The following AKAP13 variants were observed in gnomAD, a reference collection of about 807,000 sequenced individuals.
AKAP13 encodes A-kinase anchor protein 13.
Under a neutral mutation model 264.5 loss-of-function variants are expected in AKAP13, and 80 were observed. That is an observed-to-expected ratio of 0.30 (90% CI 0.25 to 0.36). The LOEUF (loss-of-function observed/expected upper bound fraction) is 0.36, where lower values mean the gene tolerates loss of function less well. Among genes scored for constraint, AKAP13 ranks in the 10% least tolerant of loss-of-function variants. The pLI is 1.00. For missense variants in AKAP13, 3,712 were observed against 3,435.2 expected, an observed-to-expected ratio of 1.08 and a Z score of -2.01; for synonymous variants, 1,380 against 1,250.2, an observed-to-expected ratio of 1.10 and a Z score of -2.19.
chr15:85,723,348 A>G (rs773336123), intron 26 of AKAP13, 28 bp downstream of exon 26: 1 of 1,606,872 alleles, frequency 6.2e-7, no homozygotes, highest in Admixed American at 1.7e-5. Context: ...TGTCTTAAGT[A>G]TGTGCCCAGG....
Position 85,425,246 on chromosome 15 carries a change from C to A in AKAP13, c.-12+44448C>A, listed in dbSNP as rs1338648426. Among the ~76,000 whole-genome samples the A allele has an allele frequency of 2.0e-5, 3 of 152,012 alleles. No individual in the cohort carries two copies. In the East Asian group the frequency reaches 5.8e-4, roughly 29 times the overall value. The stretch of plus-strand genomic sequence containing the variant: ...GTGAAATGCATTAAAATGAGATATG[C>A]CTGTATTCAGGTTTATTATTTATTT... On this transcript the variant is annotated intron_variant, in intron 1 of 36. Coordinates refer to ENST00000394518, the MANE Select transcript of AKAP13 (RefSeq NM_007200.5).
rs2088948513 is a variant in AKAP13 at position 85,741,272 on chromosome 15, T to A, written c.7835T>A (p.Leu2612Gln). The A allele has an allele frequency of 6.2e-7, 1 of 1,610,100 alleles. No homozygotes were observed. The highest frequency in any genetic ancestry group is 8.5e-7 in the Non-Finnish European group (1 of 1,178,410). The change falls in exon 35 of 37, where the codon CTG becomes CAG. Residue 2612 changes from leucine to glutamine, a missense_variant. Coordinates refer to ENST00000394518, the MANE Select transcript of AKAP13 (RefSeq NM_007200.5). ...GAGTGGGAAGCTCGTGAGAGGGAGC[T>A]GCGGGAGCGGGAGGCCCTCCTGGCC... is the stretch of plus-strand genomic sequence containing the variant. ...EREWEARERE[L>Q]REREALLAQR...
At chr15:85,525,058 A>ATTTTT (rs11419433) in intron 3 of AKAP13, among the ~76,000 whole-genome samples, 6 of 129,494 alleles carry the variant, frequency 4.6e-5, no homozygotes, top group East Asian at 2.2e-4. Context: ...CTATCTTTAA[A>ATTTTT]TTTTTTTTTT....
At chr15:85,656,876 A>G (rs1349252016) in intron 11 of AKAP13, among the ~76,000 whole-genome samples, 2 of 152,234 alleles carry the variant, frequency 1.3e-5, no homozygotes, top group Non-Finnish European at 2.9e-5. Context: ...TTTGCTAATA[A>G]GTAAAACAGA....
intron 5 of AKAP13, 99 bp downstream of exon 5, chr15:85,544,054 G>A (rs753589687): frequency 4.9e-6 from 7 of 1,428,694 alleles, no homozygotes; most frequent in Middle Eastern, 1.7e-4. Context: ...TGTGTTTGCC[G>A]CAAATTAAAA....
chr15:85,448,801 T>G (rs2073985738), intron 1 of AKAP13, among the ~76,000 whole-genome samples: 1 of 151,938 alleles, frequency 6.6e-6, no homozygotes, highest in South Asian at 2.1e-4. Context: ...GTAACGTGAT[T>G]CTTCCAGCTT....
chr15:85,384,945 T>A (rs1406521198), intron 1 of AKAP13, among the ~76,000 whole-genome samples: 1 of 152,162 alleles, frequency 6.6e-6, no homozygotes. Context: ...TGTGGGGCAA[T>A]GCTGTGTTCA....
At chr15:85,456,644 G>A (rs2074291487) in intron 1 of AKAP13, among the ~76,000 whole-genome samples, 1 of 150,556 alleles carries the variant, frequency 6.6e-6, no homozygotes, top group African/African-American at 2.4e-5. Context: ...GTGGCCTCCC[G>A]GGTTCACACC....
chr15:85,508,062 A>G (rs918426024), intron 2 of AKAP13, among the ~76,000 whole-genome samples: 2 of 151,780 alleles, frequency 1.3e-5, no homozygotes, highest in Non-Finnish European at 2.9e-5. Context: ...TTTCAGCAAG[A>G]TATTCTCAAA....
intron 9 of AKAP13, among the ~76,000 whole-genome samples, chr15:85,641,283 T>TA (rs1187311167): frequency 6.6e-6 from 1 of 151,024 alleles, no homozygotes. Context: ...CCATCTCTAC[T>TA]AAAAATACAA....
intron 1 of AKAP13, among the ~76,000 whole-genome samples, chr15:85,470,791 T>A (rs1459742320): frequency 6.6e-6 from 1 of 152,194 alleles, no homozygotes; most frequent in Admixed American, 6.5e-5. Context: ...TGAAGAGAGT[T>A]CAGTGATTTT....
At chr15:85,605,980 C>T (rs958188040) in intron 8 of AKAP13, among the ~76,000 whole-genome samples, 4 of 151,406 alleles carry the variant, frequency 2.6e-5, no homozygotes, top group African/African-American at 9.7e-5. Context: ...TTGTAGTGGG[C>T]AGAGTGGATG....
At chr15:85,673,186 A>G (rs12912048) in intron 14 of AKAP13, among the ~76,000 whole-genome samples, 30,351 of 152,120 alleles carry the variant, frequency 0.2, 3,446 homozygotes, top group East Asian at 0.36. Flanking sequence ...TTGTAGCATT[A>G]TTTCTAAGCT....
chr15:85,732,080 CA>C (rs34426976), intron 30 of AKAP13, among the ~76,000 whole-genome samples: 25,710 of 114,360 alleles, frequency 0.22, 2,428 homozygotes, highest in African/African-American at 0.37. Context: ...GAGACTATCT[CA>C]AAAAAAAAAA....
chr15:85,623,247 C>A (rs1483965625), intron 8 of AKAP13, among the ~76,000 whole-genome samples: 1 of 152,138 alleles, frequency 6.6e-6, no homozygotes, highest in Non-Finnish European at 1.5e-5. Flanking sequence ...ATTATCTAAA[C>A]ACTCAAAACA....
intron 11 of AKAP13, among the ~76,000 whole-genome samples, chr15:85,657,782 C>T (rs1489403970): frequency 6.7e-6 from 1 of 150,372 alleles, no homozygotes; most frequent in Admixed American, 6.6e-5. Context: ...TCCCTACAGC[C>T]AGAGCTTGAA....
In AKAP13 at chr15:85,504,867, CGCTCTCTCTCTCTT is replaced by C. The variant is rs923156649; in HGVS notation, c.34-16552_34-16539del. Among the ~76,000 whole-genome samples the C allele has an allele frequency of 7.9e-5, 12 of 152,114 alleles. No homozygotes were observed. The East Asian group carries it at 9.7e-4, about 12-fold the overall frequency. ...AGAGACACTCTCGCTTGCTCTTTCT[CGCTCTCTCTCTCTT>C]GCTCTCTCGCTCTTGCTCTCCCTCG... On this transcript the variant is annotated intron_variant, in intron 2 of 36. Coordinates refer to ENST00000394518, the MANE Select transcript of AKAP13 (RefSeq NM_007200.5).
intron 31 of AKAP13, 23 bp from the exon 32 acceptor site, chr15:85,735,537 A>T (rs75149819): frequency 6.3e-7 from 1 of 1,588,900 alleles, no homozygotes; most frequent in Non-Finnish European, 8.5e-7. Context: ...TTAAAAAAAA[A>T]AACAACCCTA....
intron 2 of AKAP13, among the ~76,000 whole-genome samples, chr15:85,488,239 T>C (rs2075621766): frequency 6.6e-6 from 1 of 152,202 alleles, no homozygotes; most frequent in South Asian, 2.1e-4. Flanking sequence ...CTTGGTTGAA[T>C]TTTTAATGTT....
Sources: allele counts gnomAD v4.1 joint callset (sites outside exome capture counted in the v4.1 genomes callset), GRCh38; gene constraint gnomAD v4.1.1; transcripts MANE v1.5; gene names NCBI Gene and HGNC (gene_info 2026-07-23, HGNC 2026-07-21).